The following CMKLR1 variants were observed in gnomAD, a reference collection of about 807,000 sequenced individuals.
CMKLR1 encodes the protein chemerin chemokine-like receptor 1.
A neutral mutation model predicts 8.2 loss-of-function variants in CMKLR1; 6 were observed. The observed-to-expected ratio is 0.73, with a 90% CI of 0.40 to 1.44. The LOEUF is 1.44. Among genes scored for constraint, CMKLR1 ranks in the 40% most tolerant of loss-of-function variants. The pLI, the probability that CMKLR1 is intolerant of heterozygous loss-of-function variation, is 0.02. For synonymous variants in CMKLR1, 178 were observed against 181.2 expected (o/e 0.98, Z 0.14); for missense variants, 429 against 478.0 (o/e 0.90, Z 0.96).
chr12:108,332,718 T>C (rs563569726), intron 1 of CMKLR1, among the ~76,000 whole-genome samples: 3 of 152,298 alleles, frequency 2.0e-5, no homozygotes, highest in South Asian at 2.1e-4. Flanking sequence ...CTTGTGATCA[T>C]GTAAATTAAT....
intron 2 of CMKLR1, among the ~76,000 whole-genome samples, chr12:108,327,731 GC>G (rs1892013390): frequency 6.6e-6 from 1 of 152,222 alleles, no homozygotes; most frequent in South Asian, 2.1e-4. Context: ...CAGCAGCCCA[GC>G]CTGAACTCCA....
chr12:108,326,752 G>A (rs1473925298), intron 2 of CMKLR1, among the ~76,000 whole-genome samples: 1 of 152,156 alleles, frequency 6.6e-6, no homozygotes, highest in African/African-American at 2.4e-5. Flanking sequence ...GGGGCTGGGG[G>A]CTAGAGCGGA....
In CMKLR1 at chr12:108,316,297, C is replaced by G. The variant is rs1043094704; in HGVS notation, c.-74+13698G>C. On this transcript the variant is annotated intron_variant, in intron 2 of 3. Coordinates refer to ENST00000550402, the MANE Select transcript of CMKLR1 (RefSeq NM_001142343.2). ...TTCAGGCCCCAGCAGGGCAGGGGCTCGGCGGGATAGGTGATCTTAGGAGGG... is the reference window on the plus strand; with the variant it reads ...TTCAGGCCCCAGCAGGGCAGGGGCTGGGCGGGATAGGTGATCTTAGGAGGG... 3.3e-5 allele frequency among the ~76,000 whole-genome samples: 5 copies of G among 152,008 alleles called. No homozygotes were observed. The South Asian group carries it at 8.3e-4, about 25-fold the overall frequency.
intron 1 of CMKLR1, among the ~76,000 whole-genome samples, chr12:108,331,370 A>C (rs10861893): frequency 0.43 from 65,545 of 151,882 alleles, 14,501 homozygotes; most frequent in Admixed American, 0.54. Flanking sequence ...CCTGATAATC[A>C]CTGAATACTC....
chr12:108,297,530 C>T (rs559254576), intron 2 of CMKLR1, among the ~76,000 whole-genome samples: 8 of 152,262 alleles, frequency 5.3e-5, no homozygotes, highest in South Asian at 2.1e-4. Flanking sequence ...ATATAGTTAA[C>T]GTTTGCTTGA....
At chr12:108,316,457 A>G (rs1891736190) in intron 2 of CMKLR1, among the ~76,000 whole-genome samples, 1 of 152,150 alleles carries the variant, frequency 6.6e-6, no homozygotes, top group African/African-American at 2.4e-5. Flanking sequence ...CAGGGACTGG[A>G]AAAAGGAGGA....
At chr12:108,338,728 C>A (rs1892287898) in intron 1 of CMKLR1, among the ~76,000 whole-genome samples, 1 of 152,102 alleles carries the variant, frequency 6.6e-6, no homozygotes, top group Admixed American at 6.5e-5. Context: ...CCTTTCTATG[C>A]AGCCATGAAA....
intron 3 of CMKLR1, 78 bp from the exon 4 acceptor site, chr12:108,293,037 A>AG: frequency 2.2e-6 from 3 of 1,348,366 alleles, no homozygotes; most frequent in Non-Finnish European, 3.1e-6. Context: ...CAAGACCAAC[A>AG]ATGTTCCCCC....
intron 2 of CMKLR1, among the ~76,000 whole-genome samples, chr12:108,318,514 C>T (rs1891785999): frequency 6.6e-6 from 1 of 152,202 alleles, no homozygotes; most frequent in South Asian, 2.1e-4. Flanking sequence ...CAATTGTTTG[C>T]AGGGTCACTG....
intron 1 of CMKLR1, among the ~76,000 whole-genome samples, chr12:108,337,425 T>C (rs1593183851): frequency 6.6e-6 from 1 of 152,262 alleles, no homozygotes; most frequent in South Asian, 2.1e-4. Context: ...ATGACCCTAA[T>C]ATATGCTAGT....
intron 2 of CMKLR1, among the ~76,000 whole-genome samples, chr12:108,326,881 C>G (rs138408476): frequency 1.3e-5 from 2 of 152,330 alleles, no homozygotes; most frequent in African/African-American, 2.4e-5. Flanking sequence ...AAGGGATCTA[C>G]TAAGCACTGG....
intron 2 of CMKLR1, among the ~76,000 whole-genome samples, chr12:108,295,777 G>A (rs1279254481): frequency 6.6e-6 from 1 of 152,264 alleles, no homozygotes; most frequent in Non-Finnish European, 1.5e-5. Context: ...AGGAGGATCT[G>A]GGACTCAGGA....
At chr12:108,300,808 G>T (rs1424001545) in intron 2 of CMKLR1, among the ~76,000 whole-genome samples, 1 of 152,200 alleles carries the variant, frequency 6.6e-6, no homozygotes, top group Non-Finnish European at 1.5e-5. Flanking sequence ...CCTAGCATAA[G>T]AAAGTTCACC....
intron 2 of CMKLR1, among the ~76,000 whole-genome samples, chr12:108,296,024 A>T (rs1372810865): frequency 6.6e-6 from 1 of 152,146 alleles, no homozygotes; most frequent in Non-Finnish European, 1.5e-5. Context: ...CTGTTGGTGC[A>T]TCGCCCCCAC....
chr12:108,296,574 C>G (rs1164685724), intron 2 of CMKLR1, among the ~76,000 whole-genome samples: 1 of 152,088 alleles, frequency 6.6e-6, no homozygotes, highest in Non-Finnish European at 1.5e-5. Flanking sequence ...GCCTGTAATC[C>G]CAGCACTTCA....
intron 2 of CMKLR1, among the ~76,000 whole-genome samples, chr12:108,310,837 G>C (rs917029834): frequency 6.6e-6 from 1 of 152,164 alleles, no homozygotes; most frequent in African/African-American, 2.4e-5. Flanking sequence ...CTTTCAGCAA[G>C]GCGGGTAGGC....
At position 108,292,063 on chromosome 12, in the gene CMKLR1, CA is replaced by C; in HGVS notation, c.899del (p.Leu300ArgfsTer12). On this transcript the variant is annotated frameshift_variant, in exon 4 of 4. Transcript: ENST00000550402. LOFTEE classifies it high-confidence loss of function. ...TGTTGGCAATGGCAAGGGCAGTGGCCAGGGGCAAACCCAGGCTGAAGACAGA... is the reference window on the plus strand; with the variant it reads ...TGTTGGCAATGGCAAGGGCAGTGGCCGGGGCAAACCCAGGCTGAAGACAGA... ...PGSVFSLGLP[L>X]ATALAIANSC... 6.2e-7 allele frequency: 1 copy of C among 1,614,182 alleles called. No homozygotes were observed.
chr12:108,338,998 A>T (rs12229557), intron 1 of CMKLR1, 29 bp downstream of exon 1: 3 of 152,072 alleles, frequency 2.0e-5, no homozygotes, highest in Non-Finnish European at 4.4e-5. Context: ...CCCCCTCAGA[A>T]GACACCCAAG....
chr12:108,321,829 T>C (rs145642201), intron 2 of CMKLR1, among the ~76,000 whole-genome samples: 1,906 of 152,262 alleles, frequency 0.013, 41 homozygotes, highest in African/African-American at 0.043. Context: ...ATTGAGCACA[T>C]ATGGTGATAC....
Sources: gnomAD v4.1 joint callset for allele counts (sites outside exome capture counted in the v4.1 genomes callset) on GRCh38, gnomAD v4.1.1 for gene constraint, MANE v1.5 for transcripts, NCBI Gene and HGNC (gene_info 2026-07-23, HGNC 2026-07-21) for gene names.